The following SAMMSON variants were observed in gnomAD, a reference collection of about 807,000 sequenced individuals.
SAMMSON encodes long intergenic non-protein coding RNA 1212.
At chr3:70,116,942 C>T (rs937200364) in intron 4 of SAMMSON, among the ~76,000 whole-genome samples, 5 of 152,114 alleles carry the variant, frequency 3.3e-5, no homozygotes, top group African/African-American at 7.2e-5. Context: ...TTTTAAAACT[C>T]GTGCATTTGG....
chr3:70,025,880 T>G lies in SAMMSON; in HGVS notation n.417+12208T>G, dbSNP rs531672306. On this transcript the variant is annotated intron_variant and non_coding_transcript_variant, in intron 3 of 9. Transcript: ENST00000642114. ...GTAAGGAACATATATTTGCTATTTG[T>G]TAAGTGGAAGTGAATCATCATATGG... 3.0e-4 allele frequency among the ~76,000 whole-genome samples: 46 copies of G among 152,288 alleles called. 2 individuals are homozygous for G. Among genetic ancestry groups the G allele is most frequent in the South Asian group, 2.3e-3 (11 of 4,832 alleles).
chr3:70,426,939 G>T (rs142526411), intron 2 of SAMMSON, among the ~76,000 whole-genome samples: 1 of 152,168 alleles, frequency 6.6e-6, no homozygotes. Context: ...TCTTAAATAA[G>T]CTCTACTTAG....
chr3:70,370,511 A>T (rs1702959208), intron 9 of SAMMSON, among the ~76,000 whole-genome samples: 1 of 151,922 alleles, frequency 6.6e-6, no homozygotes, highest in Admixed American at 6.6e-5. Context: ...TAATTAGGGT[A>T]AGATGATATC....
chr3:70,364,694 T>C (rs984023383), intron 9 of SAMMSON, among the ~76,000 whole-genome samples: 9 of 151,888 alleles, frequency 5.9e-5, no homozygotes, highest in African/African-American at 2.2e-4. Context: ...ATTAAATCTT[T>C]ACCTTAATTT....
intron 9 of SAMMSON, among the ~76,000 whole-genome samples, chr3:70,388,200 C>T (rs1701000122): frequency 1.3e-5 from 2 of 152,104 alleles, no homozygotes; most frequent in South Asian, 4.1e-4. Flanking sequence ...CAAACTGTAA[C>T]CTGTAGGCCA....
intron 2 of SAMMSON, among the ~76,000 whole-genome samples, chr3:70,415,071 AG>A (rs1030063505): frequency 6.6e-6 from 1 of 152,012 alleles, no homozygotes. Context: ...CTGTAAAATG[AG>A]GGGGGGTCCC....
intron 9 of SAMMSON, among the ~76,000 whole-genome samples, chr3:70,363,365 A>T (rs1343237515): frequency 6.6e-6 from 1 of 152,046 alleles, no homozygotes; most frequent in Admixed American, 6.6e-5. Context: ...AGGCATCCAA[A>T]TGGAAGAAGA....
intron 4 of SAMMSON, among the ~76,000 whole-genome samples, chr3:70,218,430 C>A (rs111479859): frequency 0.026 from 3,908 of 152,148 alleles, 77 homozygotes; most frequent in Non-Finnish European, 0.034. Flanking sequence ...AATCTGGAGA[C>A]CACTGGTCTG....
At chr3:70,292,799 A>G (rs980099018) in intron 7 of SAMMSON, among the ~76,000 whole-genome samples, 2 of 152,080 alleles carry the variant, frequency 1.3e-5, no homozygotes, top group African/African-American at 2.4e-5. Flanking sequence ...TGGTTACACA[A>G]TGAAATTGCA....
At chr3:70,140,256 G>T in intron 4 of SAMMSON, 2 of 183,650 alleles carry the variant, frequency 1.1e-5, no homozygotes, top group Non-Finnish European at 2.4e-5. Flanking sequence ...GACCAGGTCC[G>T]AAGATCTCAT....
At chr3:70,412,622 T>C (rs1288247622) in intron 2 of SAMMSON, among the ~76,000 whole-genome samples, 2 of 152,194 alleles carry the variant, frequency 1.3e-5, no homozygotes, top group Non-Finnish European at 2.9e-5. Flanking sequence ...ACATTCATGG[T>C]ATTTTAACAC....
Position 70,369,917 on chromosome 3 carries a change from C to A in SAMMSON, n.913+11593C>A, listed in dbSNP as rs150693603. Among the ~76,000 whole-genome samples, 82 of 151,916 alleles carry A rather than the reference C, an allele frequency of 5.4e-4. No individual in the cohort carries two copies. In the East Asian group the frequency reaches 0.015, roughly 28 times the overall value. On this transcript the variant is annotated intron_variant and non_coding_transcript_variant, in intron 9 of 9. Transcript: ENST00000642114. ...TGTTGAACATTAGAACTTATTCCTTCAATCTAACTGTAGTTTGTACCCATT... is the reference window on the plus strand; with the variant it reads ...TGTTGAACATTAGAACTTATTCCTTAAATCTAACTGTAGTTTGTACCCATT...
intron 4 of SAMMSON, among the ~76,000 whole-genome samples, chr3:70,228,090 G>A (rs986523769): frequency 1.3e-5 from 2 of 151,882 alleles, no homozygotes; most frequent in African/African-American, 4.8e-5. Context: ...CACTACTACT[G>A]TTAAAATAAC....
At chr3:70,041,880 A>G (rs2067107570) in intron 3 of SAMMSON, among the ~76,000 whole-genome samples, 2 of 152,130 alleles carry the variant, frequency 1.3e-5, no homozygotes, top group Non-Finnish European at 2.9e-5. Flanking sequence ...AATCATTAAC[A>G]GGAAAAAAAT....
chr3:70,195,133 A>C (rs1043286208), intron 4 of SAMMSON, among the ~76,000 whole-genome samples: 1 of 152,186 alleles, frequency 6.6e-6, no homozygotes, highest in Non-Finnish European at 1.5e-5. Flanking sequence ...AAGTCAGTTC[A>C]TGGGGCCTCT....
At chr3:70,389,143 G>C (rs1463399202) in intron 9 of SAMMSON, among the ~76,000 whole-genome samples, 2 of 152,110 alleles carry the variant, frequency 1.3e-5, no homozygotes, top group Non-Finnish European at 2.9e-5. Context: ...GTCCTCACCA[G>C]ATGCAGCTGC....
chr3:70,239,433 C>T (rs1454137000), intron 4 of SAMMSON, among the ~76,000 whole-genome samples: 1 of 152,096 alleles, frequency 6.6e-6, no homozygotes, highest in Non-Finnish European at 1.5e-5. Flanking sequence ...TGACTCTGTT[C>T]CCAAAGAGAA....
At chr3:70,235,418 G>T (rs555044164) in intron 4 of SAMMSON, among the ~76,000 whole-genome samples, 10 of 152,070 alleles carry the variant, frequency 6.6e-5, no homozygotes, top group Non-Finnish European at 1.5e-4. Flanking sequence ...CCGTCTCCTC[G>T]CAAATTAAAC....
At chr3:70,157,583 G>C (rs1400334204) in intron 4 of SAMMSON, among the ~76,000 whole-genome samples, 1 of 152,046 alleles carries the variant, frequency 6.6e-6, no homozygotes, top group Non-Finnish European at 1.5e-5. Context: ...GGTGAAGAGA[G>C]TGACAATACA....
Sources: allele counts gnomAD v4.1 joint callset (sites outside exome capture counted in the v4.1 genomes callset), GRCh38; gene constraint gnomAD v4.1.1; transcripts MANE v1.5; gene names NCBI Gene and HGNC (gene_info 2026-07-23, HGNC 2026-07-21).